The following ZSWIM5 variants were observed in gnomAD, a reference collection of about 807,000 sequenced individuals.
ZSWIM5 encodes zinc finger SWIM-type containing 5.
A neutral mutation model predicts 119.6 loss-of-function variants in ZSWIM5; 55 were observed. The observed-to-expected ratio is 0.46, with a 90% CI of 0.37 to 0.58. The LOEUF (loss-of-function observed/expected upper bound fraction) is 0.58. ZSWIM5 is among the 20% of genes least tolerant of loss of function. ZSWIM5 has a pLI of 0.00. For missense variants in ZSWIM5, 1,193 were observed against 1,512.8 expected, an observed-to-expected ratio of 0.79 and a Z score of 3.51; for synonymous variants, 537 against 606.9, an observed-to-expected ratio of 0.88 and a Z score of 1.69.
intron 1 of ZSWIM5, among the ~76,000 whole-genome samples, chr1:45,191,091 C>T (rs1036037737): frequency 9.9e-5 from 15 of 151,696 alleles, no homozygotes; most frequent in African/African-American, 2.2e-4. Flanking sequence ...GGACTACAGA[C>T]GCCCGCCACC....
chr1:45,038,729 C>T (rs1385532118), intron 8 of ZSWIM5, among the ~76,000 whole-genome samples: 1 of 149,384 alleles, frequency 6.7e-6, no homozygotes, highest in Non-Finnish European at 1.5e-5. Context: ...GCCTCAGCCC[C>T]GAAGTAGCTG....
intron 9 of ZSWIM5, 36 bp from the exon 10 acceptor site, chr1:45,035,859 A>T: frequency 1.2e-6 from 2 of 1,608,220 alleles, no homozygotes; most frequent in Non-Finnish European, 1.7e-6. Flanking sequence ...ATTTATCTGT[A>T]TGCTTCCATC....
chr1:45,114,476 A>T (rs1645535636), intron 1 of ZSWIM5, among the ~76,000 whole-genome samples: 1 of 152,256 alleles, frequency 6.6e-6, no homozygotes, highest in Non-Finnish European at 1.5e-5. Flanking sequence ...TTCAAAATAC[A>T]TGAAGCAAAA....
Position 45,111,432 on chromosome 1 carries a change from C to A in ZSWIM5, c.596-23195G>T, listed in dbSNP as rs1011983349. On this transcript the variant is annotated intron_variant, in intron 1 of 13. Coordinates refer to ENST00000359600, the MANE Select transcript of ZSWIM5 (RefSeq NM_020883.2). ...ACAGTATGTGATGCAACGGAATACA[C>A]TGAGTGTATTAGTTTCCTATCGCTG... Among the ~76,000 whole-genome samples, 3 of 152,192 alleles carry A rather than the reference C, an allele frequency of 2.0e-5. No individual in the cohort carries two copies. In the East Asian group the frequency reaches 5.8e-4, roughly 29 times the overall value.
At chr1:45,177,347 C>T (rs906076934) in intron 1 of ZSWIM5, among the ~76,000 whole-genome samples, 8 of 152,054 alleles carry the variant, frequency 5.3e-5, no homozygotes, top group African/African-American at 1.9e-4. Flanking sequence ...CTATGGCCAA[C>T]CCCCTTTTCC....
intron 1 of ZSWIM5, among the ~76,000 whole-genome samples, chr1:45,154,738 CA>C (rs1196475456): frequency 6.6e-6 from 1 of 152,008 alleles, no homozygotes; most frequent in Non-Finnish European, 1.5e-5. Context: ...AAAAATTAGC[CA>C]GGCATGATGG....
chr1:45,147,739 C>T (rs1346621382), intron 1 of ZSWIM5, among the ~76,000 whole-genome samples: 1 of 152,038 alleles, frequency 6.6e-6, no homozygotes, highest in Admixed American at 6.6e-5. Context: ...CACCCACACC[C>T]CCAAAAAACA....
At chr1:45,105,124 G>C (rs1645462187) in intron 1 of ZSWIM5, among the ~76,000 whole-genome samples, 1 of 152,286 alleles carries the variant, frequency 6.6e-6, no homozygotes, top group African/African-American at 2.4e-5. Flanking sequence ...ACTGGTTTTT[G>C]TATTTTTGGT....
chr1:45,044,572 A>C (rs1424326550), intron 5 of ZSWIM5, among the ~76,000 whole-genome samples: 1 of 145,540 alleles, frequency 6.9e-6, no homozygotes, highest in African/African-American at 2.5e-5. Flanking sequence ...AAATACAAAA[A>C]AATTAGCCGG....
At chr1:45,069,709 T>C (rs1160339377) in intron 2 of ZSWIM5, among the ~76,000 whole-genome samples, 1 of 152,000 alleles carries the variant, frequency 6.6e-6, no homozygotes, top group Non-Finnish European at 1.5e-5. Flanking sequence ...CTTTAAGAAA[T>C]GAAAAACTAA....
chr1:45,031,474 G>A (rs917112662), intron 11 of ZSWIM5, among the ~76,000 whole-genome samples: 5 of 151,738 alleles, frequency 3.3e-5, no homozygotes, highest in Non-Finnish European at 7.4e-5. Flanking sequence ...ATGAGCCACC[G>A]CACCTGTCTG....
At chr1:45,118,284 C>T (rs866601466) in intron 1 of ZSWIM5, among the ~76,000 whole-genome samples, 3 of 152,112 alleles carry the variant, frequency 2.0e-5, no homozygotes, top group Non-Finnish European at 2.9e-5. Context: ...TCCTCAAAAA[C>T]AATAAGCAAA....
intron 1 of ZSWIM5, among the ~76,000 whole-genome samples, chr1:45,185,452 A>G (rs1008807506): frequency 2.6e-5 from 4 of 152,032 alleles, no homozygotes; most frequent in Non-Finnish European, 5.9e-5. Context: ...CTACGATCAG[A>G]GTGAACAGGC....
chr1:45,146,365 A>C (rs1353218847), intron 1 of ZSWIM5, among the ~76,000 whole-genome samples: 2 of 148,158 alleles, frequency 1.3e-5, no homozygotes, highest in African/African-American at 5.0e-5. Flanking sequence ...AGCAAATATC[A>C]TGTCATCAAA....
intron 1 of ZSWIM5, among the ~76,000 whole-genome samples, chr1:45,187,207 C>G (rs1646064561): frequency 6.6e-6 from 1 of 151,942 alleles, no homozygotes; most frequent in Admixed American, 6.6e-5. Flanking sequence ...TCAAAACTTA[C>G]TAGAGCAAGA....
intron 5 of ZSWIM5, among the ~76,000 whole-genome samples, chr1:45,048,275 A>C (rs1645069506): frequency 6.6e-6 from 1 of 151,904 alleles, no homozygotes; most frequent in Non-Finnish European, 1.5e-5. Context: ...CCTGAGTTCA[A>C]GGGTTCTGCC....
At chr1:45,149,932 G>T (rs945839735) in intron 1 of ZSWIM5, among the ~76,000 whole-genome samples, 3 of 151,848 alleles carry the variant, frequency 2.0e-5, no homozygotes, top group African/African-American at 7.3e-5. Flanking sequence ...GCTTTGGGAG[G>T]CCAAAGTGGA....
intron 1 of ZSWIM5, among the ~76,000 whole-genome samples, chr1:45,182,403 CAAA>C (rs1164921724): frequency 1.7e-5 from 2 of 116,852 alleles, no homozygotes; most frequent in Admixed American, 8.0e-5. Context: ...GACTCCGTCT[CAAA>C]AAAACAAACA....
intron 1 of ZSWIM5, among the ~76,000 whole-genome samples, chr1:45,186,965 A>C (rs1304458221): frequency 6.6e-6 from 1 of 152,178 alleles, no homozygotes; most frequent in East Asian, 1.9e-4. Context: ...TAAACCACTA[A>C]GTTCATGGTA....
Sources: allele counts gnomAD v4.1 joint callset (sites outside exome capture counted in the v4.1 genomes callset), GRCh38; gene constraint gnomAD v4.1.1; transcripts MANE v1.5; gene names NCBI Gene and HGNC (gene_info 2026-07-23, HGNC 2026-07-21).